FAT4: variants seen among roughly 807,000 people sequenced by gnomAD.
The protein encoded by FAT4 is protocadherin Fat 4.
In FAT4, 84 loss-of-function variants were observed where a neutral mutation model predicts 303.9. The observed-to-expected ratio is 0.28, with a 90% CI of 0.23 to 0.33. The LOEUF (loss-of-function observed/expected upper bound fraction) is 0.33. Ranked by LOEUF, FAT4 falls within the 10% of genes least tolerant of loss-of-function variation. FAT4 has a pLI of 1.00. For synonymous variants in FAT4, 2,307 were observed against 2,298.8 expected (o/e 1.00, Z -0.10); for missense variants, 6,005 against 6,146.8 (o/e 0.98, Z 0.77).
chr4:125,452,400 G>A lies in FAT4; in HGVS notation c.11390G>A (p.Gly3797Glu). Residue 3797 changes from glycine (G) to glutamate (E), a missense_variant, in exon 10 of 18, where the codon GGA becomes GAA. Physicochemically the swap from Gly to Glu is moderately conservative, Grantham distance 98 (BLOSUM62 -2). Transcript: ENST00000394329. The part of the protein sequence containing the change: ...SIKEILLRQS[G>E]VKVESVDHDS... ...AAAGAGATCCTTCTCCGGCAGAGTGGAGTAAAGGTGGAATCTGTGGATCAT... is the reference window on the plus strand; with the variant it reads ...AAAGAGATCCTTCTCCGGCAGAGTGAAGTAAAGGTGGAATCTGTGGATCAT... The A allele has an allele frequency of 6.2e-7, 1 of 1,614,158 alleles. No individual in the cohort carries two copies. The highest frequency in any genetic ancestry group is 2.2e-5 in the East Asian group (1 of 44,878).
In FAT4 at chr4:125,344,921, A is replaced by G. The variant is rs61551985; in HGVS notation, c.5175+23335A>G. On this transcript the variant is annotated intron_variant, in intron 2 of 17. Transcript: ENST00000394329. The stretch of plus-strand genomic sequence containing the variant: ...GGTGCCTGGCACATGGCAATAATCA[A>G]TAAATGCCAAGAGAATGAATACATT... 9.9e-5 allele frequency among the ~76,000 whole-genome samples: 15 copies of G among 152,204 alleles called. No individual in the cohort carries two copies. The East Asian group carries it at 2.7e-3, about 28-fold the overall frequency.
intron 2 of FAT4, among the ~76,000 whole-genome samples, chr4:125,365,193 A>G (rs1386910971): frequency 6.6e-6 from 1 of 152,240 alleles, no homozygotes. Flanking sequence ...AAGACAATAA[A>G]TTAGTTCAGG....
Position 125,490,219 on chromosome 4 carries a change from T to C in FAT4, c.13403T>C (p.Val4468Ala), listed in dbSNP as rs761716935. ...ACGGGAAGGACCTGTGAGATGGTGG[T>C]GGCCTGTCTTGGCGTCCTCTGTCCT... ...SHTGRTCEMVVACLGVLCPQG... is the reference protein window; with the variant it reads ...SHTGRTCEMVAACLGVLCPQG... The change falls in exon 18 of 18, where the codon GTG (valine) becomes GCG (alanine). Residue 4468 changes from valine to alanine, a missense_variant. Coordinates refer to ENST00000394329, the MANE Select transcript of FAT4 (RefSeq NM_001291303.3). The C allele has an allele frequency of 2.5e-6, 4 of 1,614,078 alleles. No individual in the cohort carries two copies. The East Asian group carries it at 6.7e-5, about 27-fold the overall frequency.
At position 125,440,608 on chromosome 4, in the gene FAT4, T is replaced by TGAGAGAGAGAGAGAGAGAGAGA. The variant is rs766978076; in HGVS notation, c.7200-5684_7200-5683insAGAGAGAGAGAGAGAGAGAGAG. Among the ~76,000 whole-genome samples the TGAGAGAGAGAGAGAGAGAGAGA allele has an allele frequency of 5.2e-5, 3 of 57,346 alleles. No homozygotes were observed. In the East Asian group the frequency reaches 1.3e-3, roughly 24 times the overall value. 37.6% of individuals were successfully genotyped at this position (57,346 alleles called of 152,430 possible). A position where few individuals can be genotyped will look rare whatever the true frequency, so the allele number is the denominator to read the frequency against. On this transcript the variant is annotated intron_variant, in intron 8 of 17. Transcript: ENST00000394329. ...GTGTGTGTGTGTGTGTGTGTGTGTG[T>TGAGAGAGAGAGAGAGAGAGAGA]GTGAGAGAGAGAGAGAGAGAGAGAG...
chr4:125,442,395 G>C (rs1231375193), intron 8 of FAT4, among the ~76,000 whole-genome samples: 1 of 151,726 alleles, frequency 6.6e-6, no homozygotes, highest in Non-Finnish European at 1.5e-5. Flanking sequence ...CCGTGTCTCT[G>C]TTTTGAATTT....
At chr4:125,478,622 C>T (rs2126084994) in intron 14 of FAT4, among the ~76,000 whole-genome samples, 1 of 152,212 alleles carries the variant, frequency 6.6e-6, no homozygotes, top group Middle Eastern at 3.4e-3. Flanking sequence ...ACCTCCACCT[C>T]CTGGGTTCAA....
At position 125,315,786 on chromosome 4, in the gene FAT4, C is replaced by T. The variant is rs1327825254; in HGVS notation, c.-204C>T. Among the ~76,000 whole-genome samples, 2 of 152,166 alleles carry T rather than the reference C, an allele frequency of 1.3e-5. No homozygotes were observed. Among genetic ancestry groups the T allele is most frequent in the Non-Finnish European group, 2.9e-5 (2 of 68,032 alleles). On this transcript the variant is annotated 5_prime_UTR_variant, in exon 1 of 18. Transcript: ENST00000394329. ...TGCGCGCAGACGCCGCCGCCTGGGC[C>T]TCAGCGGCCACTGCCGGCGCCCTGT...
chr4:125,392,469 A>G (rs916455062), intron 2 of FAT4, among the ~76,000 whole-genome samples: 2 of 152,194 alleles, frequency 1.3e-5, no homozygotes, highest in African/African-American at 2.4e-5. Flanking sequence ...ATTTAAATGT[A>G]AGCCATTCTG....
Position 125,471,400 on chromosome 4 carries a change from T to C in FAT4, c.12213+2581T>C, listed in dbSNP as rs1726850954. Reference sequence around the variant, plus strand: ...GGTAAAAAATAAAATATCTGCAAAGTGCAATAAAGTGAAGAGCAATAAAAT... The same window carrying C: ...GGTAAAAAATAAAATATCTGCAAAGCGCAATAAAGTGAAGAGCAATAAAAT... On this transcript the variant is annotated intron_variant, in intron 12 of 17. Transcript: ENST00000394329. Among the ~76,000 whole-genome samples, 4 of 152,132 alleles carry C rather than the reference T, an allele frequency of 2.6e-5. No homozygotes were observed. In the South Asian group the frequency reaches 8.3e-4, roughly 31 times the overall value.
intron 2 of FAT4, among the ~76,000 whole-genome samples, chr4:125,349,863 A>G (rs1466823606): frequency 6.6e-6 from 1 of 151,712 alleles, no homozygotes; most frequent in Non-Finnish European, 1.5e-5. Flanking sequence ...TAAAATCCTG[A>G]AAAAACAATT....
At chr4:125,352,444 T>C (rs1046207079) in intron 2 of FAT4, among the ~76,000 whole-genome samples, 1 of 151,778 alleles carries the variant, frequency 6.6e-6, no homozygotes, top group Non-Finnish European at 1.5e-5. Flanking sequence ...CAAAAAAATG[T>C]TTACACAGAA....
chr4:125,424,996 T>C (rs530190584), intron 7 of FAT4, among the ~76,000 whole-genome samples: 2 of 152,268 alleles, frequency 1.3e-5, no homozygotes, highest in South Asian at 4.1e-4. Flanking sequence ...TTTTTGGACA[T>C]ATTACGTTTG....
chr4:125,393,727 G>A (rs1734060217), intron 2 of FAT4, among the ~76,000 whole-genome samples: 1 of 152,030 alleles, frequency 6.6e-6, no homozygotes, highest in South Asian at 2.1e-4. Flanking sequence ...AAAGTAATTT[G>A]GTAACAATAT....
chr4:125,380,699 C>A (rs17009559), intron 2 of FAT4, among the ~76,000 whole-genome samples: 28 of 152,228 alleles, frequency 1.8e-4, no homozygotes, highest in Middle Eastern at 3.4e-3. Flanking sequence ...AAGCAGACTG[C>A]GAGAATTCTA....
At position 125,319,098 on chromosome 4, in the gene FAT4, C is replaced by G; in HGVS notation, c.2687C>G (p.Ala896Gly). The G allele has an allele frequency of 6.2e-7, 1 of 1,614,024 alleles. No homozygotes were observed. The highest frequency in any genetic ancestry group is 2.2e-5 in the East Asian group (1 of 44,872). Residue 896 changes from alanine (A) to glycine (G), a missense_variant, in exon 2 of 18, where the codon GCA (alanine) becomes GGA (glycine). Ala to Gly is a moderately conservative substitution (Grantham distance 60). Transcript: ENST00000394329. Reference sequence around the variant, plus strand: ...GACAACTCTCCCCATTTCCTTCAGGCAATAGAGAGTGTAAATGTGGTGGAG... The same window carrying G: ...GACAACTCTCCCCATTTCCTTCAGGGAATAGAGAGTGTAAATGTGGTGGAG... ...LNDNSPHFLQ[A>G]IESVNVVENW...
chr4:125,412,800 A>T (rs933122636), intron 5 of FAT4, among the ~76,000 whole-genome samples: 3 of 151,864 alleles, frequency 2.0e-5, no homozygotes, highest in African/African-American at 7.2e-5. Context: ...GATATGAAAG[A>T]TTTTATATGC....
intron 2 of FAT4, among the ~76,000 whole-genome samples, chr4:125,397,178 T>C (rs1382449365): frequency 6.6e-6 from 1 of 152,110 alleles, no homozygotes; most frequent in Admixed American, 6.6e-5. Flanking sequence ...TACTTCACTC[T>C]GTGCCAGAAA....
At chr4:125,433,475 C>A (rs774766749) in intron 7 of FAT4, among the ~76,000 whole-genome samples, 3 of 152,132 alleles carry the variant, frequency 2.0e-5, no homozygotes, top group African/African-American at 7.2e-5. Context: ...ATGGGGACAG[C>A]CCACAGAATT....
intron 2 of FAT4, among the ~76,000 whole-genome samples, chr4:125,350,394 T>A (rs1732175761): frequency 6.6e-6 from 1 of 151,828 alleles, no homozygotes; most frequent in Admixed American, 6.6e-5. Flanking sequence ...AATCAAAACT[T>A]CATCCTACTT....
Sources: allele counts gnomAD v4.1 joint callset (sites outside exome capture counted in the v4.1 genomes callset), GRCh38; gene constraint gnomAD v4.1.1; transcripts MANE v1.5; gene names NCBI Gene and HGNC (gene_info 2026-07-23, HGNC 2026-07-21).